Variants in OSBPL11 observed in about 807,000 individuals in gnomAD.
OSBPL11 encodes oxysterol binding protein like 11, also known as oxysterol-binding protein-related protein 11.
In OSBPL11, 33 loss-of-function variants were observed where a neutral mutation model predicts 84.4. The observed-to-expected ratio is 0.39, with a 90% CI of 0.30 to 0.52. OSBPL11 has a LOEUF of 0.52. OSBPL11 is among the 20% of genes least tolerant of loss of function. The probability of loss-of-function intolerance (pLI) is 0.72; values close to 1 mark genes in which losing one functional copy is unlikely to be tolerated. For synonymous variants in OSBPL11, 276 were observed against 310.2 expected (o/e 0.89, Z 1.16); for missense variants, 736 against 901.1 (o/e 0.82, Z 2.35).
chr3:125,559,708 A>C (rs1340339266), intron 8 of OSBPL11, among the ~76,000 whole-genome samples: 1 of 151,922 alleles, frequency 6.6e-6, no homozygotes, highest in Admixed American at 6.6e-5. Flanking sequence ...TGATCTGCCC[A>C]CCTCAGCCTC....
chr3:125,544,524 T>C lies in OSBPL11; in HGVS notation c.1841+2882A>G, dbSNP rs920836685. ...CTTGTGGTTGCTATCTAGGTGCTAATATCTTAACCATCAGGCAAGTTCTCC... is the reference window on the plus strand; with the variant it reads ...CTTGTGGTTGCTATCTAGGTGCTAACATCTTAACCATCAGGCAAGTTCTCC... On this transcript the variant is annotated intron_variant, in intron 10 of 12. Transcript: ENST00000296220. 1.1e-4 allele frequency among the ~76,000 whole-genome samples: 16 copies of C among 152,240 alleles called. No individual in the cohort carries two copies. The East Asian group carries it at 3.1e-3, about 29-fold the overall frequency.
intron 5 of OSBPL11, among the ~76,000 whole-genome samples, chr3:125,569,625 C>G (rs558572852): frequency 6.6e-6 from 1 of 152,300 alleles, no homozygotes; most frequent in Admixed American, 6.5e-5. Context: ...AACAATTACA[C>G]TCTTAGCTAC....
Position 125,530,257 on chromosome 3 carries a change from T to C in OSBPL11, c.*258A>G, listed in dbSNP as rs1935537244. 9.3e-6 allele frequency: 4 copies of C among 429,648 alleles called. No individual in the cohort carries two copies. In the South Asian group the frequency reaches 1.7e-4, roughly 18 times the overall value. The allele number at this position is 429,648 out of a possible 1,614,324, so 26.6% of individuals were successfully genotyped here. A position where few individuals can be genotyped will look rare whatever the true frequency, so the allele number is the denominator to read the frequency against. ...TTAGGAGCAAGAACTGGATAAAAGATTCATCTACTGATTCAGGTAACAAGT... is the reference window on the plus strand; with the variant it reads ...TTAGGAGCAAGAACTGGATAAAAGACTCATCTACTGATTCAGGTAACAAGT... On this transcript the variant is annotated 3_prime_UTR_variant, in exon 13 of 13. Transcript: ENST00000296220.
intron 1 of OSBPL11, among the ~76,000 whole-genome samples, chr3:125,588,801 G>A (rs556983434): frequency 6.6e-6 from 1 of 152,270 alleles, no homozygotes; most frequent in South Asian, 2.1e-4. Context: ...GCAATGGGAA[G>A]AAAGAAACAG....
intron 4 of OSBPL11, 137 bp from the exon 5 acceptor site, chr3:125,576,502 A>G (rs1936326212): frequency 5.1e-6 from 3 of 583,866 alleles, no homozygotes; most frequent in Non-Finnish European, 7.9e-6. Flanking sequence ...CTATGAGAAC[A>G]TTTCCAAAGA....
intron 1 of OSBPL11, among the ~76,000 whole-genome samples, chr3:125,590,917 T>C (rs1936586523): frequency 6.6e-6 from 1 of 152,220 alleles, no homozygotes; most frequent in South Asian, 2.1e-4. Flanking sequence ...TATGTAACCT[T>C]AGCTACATGC....
rs541575900 is a variant in OSBPL11 at position 125,572,937 on chromosome 3, A to G, written c.666+3252T>C. Among the ~76,000 whole-genome samples the G allele has an allele frequency of 6.0e-3, 679 of 113,582 alleles. 1 individual carries two copies. The highest frequency in any genetic ancestry group is 0.023 in the African/African-American group (640 of 28,336). 74.5% of individuals were successfully genotyped at this position (113,582 alleles called of 152,430 possible). The stretch of plus-strand genomic sequence containing the variant: ...TGTGTATATATATACACACACACAC[A>G]TACTTTAAAGCAGACTGCAAGATAT... On this transcript the variant is annotated intron_variant, in intron 5 of 12. Coordinates refer to ENST00000296220, the MANE Select transcript of OSBPL11 (RefSeq NM_022776.5).
intron 2 of OSBPL11, among the ~76,000 whole-genome samples, chr3:125,581,458 G>A (rs1936423341): frequency 6.6e-6 from 1 of 151,428 alleles, no homozygotes; most frequent in Non-Finnish European, 1.5e-5. Flanking sequence ...CACTTTGGGA[G>A]GCCAAGGCGG....
intron 7 of OSBPL11, among the ~76,000 whole-genome samples, chr3:125,563,228 A>C (rs1460961648): frequency 6.6e-6 from 1 of 152,198 alleles, no homozygotes; most frequent in Non-Finnish European, 1.5e-5. Flanking sequence ...TAGTTTATAA[A>C]AATATAAACC....
At position 125,547,391 on chromosome 3, in the gene OSBPL11, T is replaced by C. The variant is rs200949134; in HGVS notation, c.1841+15A>G. 98 of 1,603,168 alleles carry C rather than the reference T, an allele frequency of 6.1e-5. No individual in the cohort carries two copies. The highest frequency in any genetic ancestry group is 1.3e-5 in the African/African-American group (1 of 74,572). On this transcript the variant is annotated intron_variant, in intron 10 of 12. Coordinates refer to ENST00000296220, the MANE Select transcript of OSBPL11 (RefSeq NM_022776.5). ...TGGAAGAATAAGAACTAGATAATCATTAAAATGTTCTTACCGATGCAGTTT... is the reference window on the plus strand; with the variant it reads ...TGGAAGAATAAGAACTAGATAATCACTAAAATGTTCTTACCGATGCAGTTT...
At chr3:125,546,539 C>T (rs1297738391) in intron 10 of OSBPL11, among the ~76,000 whole-genome samples, 2 of 152,060 alleles carry the variant, frequency 1.3e-5, no homozygotes, top group South Asian at 2.1e-4. Context: ...GTCATGTTGG[C>T]TAGGCTGGTC....
chr3:125,539,326 T>TACATATATATATATATATATATATAC (rs369705357), intron 10 of OSBPL11, among the ~76,000 whole-genome samples: 1 of 120,354 alleles, frequency 8.3e-6, no homozygotes, highest in Non-Finnish European at 1.6e-5. Context: ...TATATATATA[T>TACATATATATATATATATATATATAC]ATATATATAT....
At chr3:125,581,693 C>A (rs1348681379) in intron 2 of OSBPL11, among the ~76,000 whole-genome samples, 1 of 84,304 alleles carries the variant, frequency 1.2e-5, no homozygotes, top group Non-Finnish European at 2.1e-5. Flanking sequence ...GAGACTCCAT[C>A]TCAAAAAAAA....
At chr3:125,583,044 A>C in intron 1 of OSBPL11, 66 bp from the exon 2 acceptor site, 1 of 1,143,468 alleles carries the variant, frequency 8.7e-7, no homozygotes. Context: ...ATAATGGTAC[A>C]ATTTTCAAAA....
chr3:125,594,143 T>C (rs1936644978), intron 1 of OSBPL11, among the ~76,000 whole-genome samples: 1 of 152,218 alleles, frequency 6.6e-6, no homozygotes, highest in Non-Finnish European at 1.5e-5. Flanking sequence ...GTCCTTGCAT[T>C]CCAATTACTT....
intron 6 of OSBPL11, 152 bp from the exon 7 acceptor site, chr3:125,563,995 T>A: frequency 1.4e-6 from 1 of 729,562 alleles, no homozygotes; most frequent in Non-Finnish European, 2.2e-6. Context: ...TATATCTCAT[T>A]AGCATGAGCA....
chr3:125,535,157 T>C (rs1469460178), intron 11 of OSBPL11, among the ~76,000 whole-genome samples: 1 of 151,668 alleles, frequency 6.6e-6, no homozygotes, highest in African/African-American at 2.4e-5. Flanking sequence ...GGAATAAGTA[T>C]GGGGATATCA....
intron 5 of OSBPL11, among the ~76,000 whole-genome samples, chr3:125,571,579 A>G (rs1486845691): frequency 1.3e-5 from 2 of 151,844 alleles, no homozygotes; most frequent in Admixed American, 1.3e-4. Context: ...TGCAGCTTAG[A>G]GACTTGGTGC....
intron 9 of OSBPL11, among the ~76,000 whole-genome samples, chr3:125,548,442 T>C (rs193216741): frequency 6.6e-6 from 1 of 152,240 alleles, no homozygotes; most frequent in East Asian, 1.9e-4. Flanking sequence ...TTATAAAATA[T>C]TTATGGTGAA....
Sources: gnomAD v4.1 joint callset for allele counts (sites outside exome capture counted in the v4.1 genomes callset) on GRCh38, gnomAD v4.1.1 for gene constraint, MANE v1.5 for transcripts, NCBI Gene and HGNC (gene_info 2026-07-23, HGNC 2026-07-21) for gene names.